Variants in GRIA4 observed in about 807,000 individuals in gnomAD.
GRIA4 encodes the protein glutamate ionotropic receptor AMPA type subunit 4.
GRIA4 carries 34 observed loss-of-function variants against 104.0 expected under a neutral mutation model. That is an observed-to-expected ratio of 0.33 (90% CI 0.25 to 0.44). The LOEUF is 0.44. Ranked by LOEUF, GRIA4 falls within the 20% of genes least tolerant of loss-of-function variation. The pLI, the probability that GRIA4 is intolerant of heterozygous loss-of-function variation, is 1.00. For missense variants in GRIA4, 750 were observed against 1,096.5 expected, an observed-to-expected ratio of 0.68 and a Z score of 4.46; for synonymous variants, 386 against 381.9, an observed-to-expected ratio of 1.01 and a Z score of -0.13.
At position 105,636,735 on chromosome 11, in the gene GRIA4, G is replaced by C. The variant is rs192891947; in HGVS notation, c.247+24301G>C. The stretch of plus-strand genomic sequence containing the variant: ...AGGATGCTTATTTAATCCATGAGCT[G>C]TTTGTAAAGGGAAATCATAAAACGA... On this transcript the variant is annotated intron_variant, in intron 3 of 16. Transcript: ENST00000282499. Among the ~76,000 whole-genome samples the C allele has an allele frequency of 1.1e-3, 163 of 152,302 alleles. 1 individual carries two copies. The highest frequency in any genetic ancestry group is 1.5e-3 in the Non-Finnish European group (101 of 68,016).
At chr11:105,836,734 C>G (rs1212944617) in intron 4 of GRIA4, among the ~76,000 whole-genome samples, 1 of 152,116 alleles carries the variant, frequency 6.6e-6, no homozygotes, top group East Asian at 1.9e-4. Flanking sequence ...AACAAGCACA[C>G]TAGGTGATTC....
At chr11:105,797,959 A>G (rs1942557061) in intron 4 of GRIA4, 1 of 373,362 alleles carries the variant, frequency 2.7e-6, no homozygotes, top group Non-Finnish European at 5.4e-6. Flanking sequence ...TGCCTCATCT[A>G]TGTATTCATT....
intron 4 of GRIA4, among the ~76,000 whole-genome samples, chr11:105,799,249 C>G (rs1362147632): frequency 6.6e-6 from 1 of 152,048 alleles, no homozygotes; most frequent in East Asian, 1.9e-4. Context: ...GATTTAACAG[C>G]ATGGTGATCA....
rs559330872 is a variant in GRIA4 at position 105,826,656 on chromosome 11, T to C, written c.488-35368T>C. On this transcript the variant is annotated intron_variant, in intron 4 of 16. Transcript: ENST00000282499. ...AATCAGACTAAGTTCTTAAAATTGA[T>C]TTGGTTTCGGAAGTCACATATTTCT... Among the ~76,000 whole-genome samples the C allele has an allele frequency of 2.5e-4, 38 of 152,190 alleles. 1 individual carries two copies. In the South Asian group the frequency reaches 7.0e-3, roughly 28 times the overall value.
At chr11:105,792,576 C>G (rs1045040522) in intron 4 of GRIA4, among the ~76,000 whole-genome samples, 2 of 152,020 alleles carry the variant, frequency 1.3e-5, no homozygotes, top group African/African-American at 4.8e-5. Context: ...ATTTTGCATG[C>G]CTTACCTTTA....
chr11:105,683,869 A>C (rs879544614), intron 3 of GRIA4, among the ~76,000 whole-genome samples: 4 of 152,094 alleles, frequency 2.6e-5, no homozygotes, highest in Non-Finnish European at 4.4e-5. Flanking sequence ...AAATAGAAAA[A>C]ATAGAAATAA....
intron 3 of GRIA4, among the ~76,000 whole-genome samples, chr11:105,675,644 G>A (rs1348580679): frequency 6.6e-6 from 1 of 151,744 alleles, no homozygotes; most frequent in Non-Finnish European, 1.5e-5. Flanking sequence ...GCATTATCCA[G>A]TTACTCTCAG....
At chr11:105,910,642 G>A in intron 10 of GRIA4, 97 bp downstream of exon 10, 1 of 692,180 alleles carries the variant, frequency 1.4e-6, no homozygotes, top group Non-Finnish European at 2.7e-6. Context: ...CTGACTGTTA[G>A]CAATGGTGAC....
intron 3 of GRIA4, among the ~76,000 whole-genome samples, chr11:105,730,702 G>A (rs188731156): frequency 1.5e-3 from 231 of 152,062 alleles, no homozygotes; most frequent in African/African-American, 5.2e-3. Flanking sequence ...GGAACAGAAC[G>A]GAGTCCTCAG....
chr11:105,760,334 A>T (rs969373165), intron 4 of GRIA4, among the ~76,000 whole-genome samples: 11 of 152,018 alleles, frequency 7.2e-5, no homozygotes, highest in Admixed American at 7.2e-4. Context: ...CATTCTAACT[A>T]CTGCTGCCCT....
chr11:105,651,180 TA>T (rs1156963572), intron 3 of GRIA4, among the ~76,000 whole-genome samples: 1 of 152,182 alleles, frequency 6.6e-6, no homozygotes, highest in Non-Finnish European at 1.5e-5. Flanking sequence ...ATGCCTAATT[TA>T]TAAAGTCACT....
chr11:105,861,938 A>G (rs1565296370), intron 4 of GRIA4, 86 bp from the exon 5 acceptor site: 3 of 765,798 alleles, frequency 3.9e-6, no homozygotes, highest in Non-Finnish European at 6.7e-6. Context: ...TTGGAACATA[A>G]CAGTGTTGAT....
chr11:105,887,009 C>A (rs1279734867), intron 5 of GRIA4, among the ~76,000 whole-genome samples: 2 of 150,926 alleles, frequency 1.3e-5, no homozygotes, highest in Middle Eastern at 3.4e-3. Flanking sequence ...GGTGAGAATT[C>A]ACTAAATATT....
At chr11:105,966,916 G>T (rs1858403000) in intron 14 of GRIA4, among the ~76,000 whole-genome samples, 1 of 152,090 alleles carries the variant, frequency 6.6e-6, no homozygotes, top group Non-Finnish European at 1.5e-5. Flanking sequence ...TGCAGCAGGA[G>T]GAAGGACAAA....
intron 3 of GRIA4, among the ~76,000 whole-genome samples, chr11:105,647,863 G>A (rs1951573684): frequency 6.6e-6 from 1 of 152,046 alleles, no homozygotes; most frequent in East Asian, 1.9e-4. Context: ...GAAGTCTGAG[G>A]TGGGAGAATT....
At chr11:105,638,939 C>G (rs1412311590) in intron 3 of GRIA4, among the ~76,000 whole-genome samples, 1 of 152,052 alleles carries the variant, frequency 6.6e-6, no homozygotes, top group East Asian at 1.9e-4. Flanking sequence ...ATTACCTAAG[C>G]TATTTTCAAA....
rs78765938 is a variant in GRIA4 at position 105,616,085 on chromosome 11, T to G, written c.247+3651T>G. ...ACTAATAGAATGGATCAAGTACTCATGTATTATCGTCTTGGTGAAATAATA... is the reference window on the plus strand; with the variant it reads ...ACTAATAGAATGGATCAAGTACTCAGGTATTATCGTCTTGGTGAAATAATA... On this transcript the variant is annotated intron_variant, in intron 3 of 16. Transcript: ENST00000282499. 5.8e-3 allele frequency among the ~76,000 whole-genome samples: 886 copies of G among 151,872 alleles called. 1 individual carries two copies. Among genetic ancestry groups the G allele is most frequent in the Non-Finnish European group, 0.011 (718 of 67,674 alleles).
At chr11:105,854,276 A>C (rs1944930622) in intron 4 of GRIA4, among the ~76,000 whole-genome samples, 1 of 152,166 alleles carries the variant, frequency 6.6e-6, no homozygotes. Flanking sequence ...TTTTAGATAA[A>C]GTAACCCAGA....
intron 5 of GRIA4, among the ~76,000 whole-genome samples, chr11:105,885,873 A>G (rs1038330255): frequency 1.3e-5 from 2 of 152,260 alleles, no homozygotes; most frequent in Admixed American, 1.3e-4. Flanking sequence ...CCAATATTGC[A>G]GTATCTATTA....
Sources: allele counts gnomAD v4.1 joint callset (sites outside exome capture counted in the v4.1 genomes callset), GRCh38; gene constraint gnomAD v4.1.1; transcripts MANE v1.5; gene names NCBI Gene and HGNC (gene_info 2026-07-23, HGNC 2026-07-21).